Variants in NXPE2 observed in about 807,000 individuals in gnomAD.
NXPE2 encodes neurexophilin and PC-esterase domain family member 2.
NXPE2 carries 34 observed loss-of-function variants against 34.4 expected under a neutral mutation model. That is an observed-to-expected ratio of 0.99 (90% CI 0.75 to 1.31). The LOEUF (loss-of-function observed/expected upper bound fraction) is 1.31, where lower values mean the gene tolerates loss of function less well. Among genes scored for constraint, NXPE2 ranks in the 40% most tolerant of loss-of-function variants. The pLI, the probability that NXPE2 is intolerant of heterozygous loss-of-function variation, is 0.00. For missense variants in NXPE2, 649 were observed against 672.5 expected, an observed-to-expected ratio of 0.97 and a Z score of 0.39; for synonymous variants, 235 against 231.3, an observed-to-expected ratio of 1.02 and a Z score of -0.15.
At chr11:114,804,592 T>C in the NXPE2 span, among the ~76,000 whole-genome samples, 3 of 152,220 alleles carry the variant, frequency 2.0e-5, no homozygotes, top group Non-Finnish European at 4.4e-5. Flanking sequence ...TGTATTTGCA[T>C]TGTCACTTTT....
the NXPE2 span, among the ~76,000 whole-genome samples, chr11:114,809,892 A>G: frequency 3.6e-5 from 5 of 140,652 alleles, no homozygotes; most frequent in East Asian, 4.3e-4. Flanking sequence ...AGTCAATCCT[A>G]AGCCAAAAGA....
At chr11:114,799,341 G>C in the NXPE2 span, among the ~76,000 whole-genome samples, 1 of 151,444 alleles carries the variant, frequency 6.6e-6, no homozygotes, top group Non-Finnish European at 1.5e-5. Context: ...AAGACTGCTG[G>C]GAAAAGATAA....
chr11:114,778,880 G>A, the NXPE2 span, among the ~76,000 whole-genome samples: 1 of 152,210 alleles, frequency 6.6e-6, no homozygotes, highest in African/African-American at 2.4e-5. Context: ...GTGCATCAGG[G>A]ATGGAGGAGG....
At chr11:114,473,180 T>TA in the NXPE2 span, among the ~76,000 whole-genome samples, 11 of 152,212 alleles carry the variant, frequency 7.2e-5, no homozygotes, top group Non-Finnish European at 1.5e-4. Context: ...GGATAGTGAT[T>TA]AAATCAGATT....
chr11:114,619,318 G>C, the NXPE2 span, among the ~76,000 whole-genome samples: 1 of 152,154 alleles, frequency 6.6e-6, no homozygotes, highest in Non-Finnish European at 1.5e-5. Context: ...TTCCCCGCTG[G>C]ATAATAAGTG....
the NXPE2 span, chr11:114,583,087 GA>G: frequency 1.3e-6 from 2 of 1,495,102 alleles, no homozygotes; most frequent in Non-Finnish European, 1.8e-6. Flanking sequence ...GAAATGACAG[GA>G]AGTGTAACAT....
the NXPE2 span, among the ~76,000 whole-genome samples, chr11:114,797,704 C>A: frequency 1.3e-5 from 2 of 152,156 alleles, no homozygotes; most frequent in African/African-American, 2.4e-5. Context: ...ATTCCATGAA[C>A]CTTTCAAGTG....
At chr11:114,612,416 A>T in the NXPE2 span, among the ~76,000 whole-genome samples, 1 of 151,892 alleles carries the variant, frequency 6.6e-6, no homozygotes. Flanking sequence ...TACCCGGTGG[A>T]TAATAAGTGT....
At chr11:114,484,358 G>T in the NXPE2 span, among the ~76,000 whole-genome samples, 340 of 152,234 alleles carry the variant, frequency 2.2e-3, no homozygotes, top group Non-Finnish European at 3.6e-3. Flanking sequence ...TGGGATGTGG[G>T]GGGGTAGAAT....
chr11:114,635,856 A>G, the NXPE2 span, among the ~76,000 whole-genome samples: 1 of 152,048 alleles, frequency 6.6e-6, no homozygotes, highest in Non-Finnish European at 1.5e-5. Context: ...GTGTTGCTGT[A>G]TTCGGTTTGC....
the NXPE2 span, chr11:114,530,482 C>A: frequency 1.9e-6 from 3 of 1,614,186 alleles, no homozygotes; most frequent in Non-Finnish European, 2.5e-6. Context: ...GACAGGGAGA[C>A]CTGGCCCTCC....
chr11:114,531,098 T>C, the NXPE2 span, among the ~76,000 whole-genome samples: 12 of 151,706 alleles, frequency 7.9e-5, no homozygotes, highest in African/African-American at 2.9e-4. Flanking sequence ...TGAGATATTA[T>C]GATGATGATA....
At position 114,698,736 on chromosome 11, in the gene NXPE2, A is replaced by G. The variant is rs1565388548; in HGVS notation, c.824A>G (p.Asn275Ser). The change falls in exon 3 of 6, where the codon AAT becomes AGT. Residue 275 changes from asparagine (N) to serine (S), a missense_variant. Physicochemically the swap from Asn to Ser is conservative, Grantham distance 46. Transcript: ENST00000389586. ...ALTHMTTRTR[N>S]ISYLSKEEWR... ...ACCCACATGACCACTAGGACAAGAA[A>G]TATTTCCTATCTTAGCAAGGAAGAA... 1.2e-6 allele frequency: 2 copies of G among 1,603,656 alleles called. No individual in the cohort carries two copies. The highest frequency in any genetic ancestry group is 3.3e-4 in the Middle Eastern group (2 of 5,980).
At chr11:114,770,221 T>G in the NXPE2 span, among the ~76,000 whole-genome samples, 1 of 152,336 alleles carries the variant, frequency 6.6e-6, no homozygotes, top group Middle Eastern at 3.4e-3. Flanking sequence ...AAATGGTGGG[T>G]TGAGGTCAGT....
At chr11:114,549,178 C>G in the NXPE2 span, among the ~76,000 whole-genome samples, 1 of 151,822 alleles carries the variant, frequency 6.6e-6, no homozygotes, top group Admixed American at 6.6e-5. Flanking sequence ...GGAATTCTAC[C>G]AAACTTTAAA....
At chr11:114,807,040 A>C in the NXPE2 span, among the ~76,000 whole-genome samples, 25 of 152,120 alleles carry the variant, frequency 1.6e-4, no homozygotes, top group African/African-American at 1.7e-4. Flanking sequence ...CAATATTCAA[A>C]ATTCTTAAAG....
the NXPE2 span, chr11:114,518,474 A>G: frequency 6.6e-6 from 1 of 152,258 alleles, no homozygotes; most frequent in Non-Finnish European, 1.5e-5. Flanking sequence ...CAAAAAGGGA[A>G]TGTTTTTACT....
At chr11:114,767,181 T>G in the NXPE2 span, among the ~76,000 whole-genome samples, 1 of 152,168 alleles carries the variant, frequency 6.6e-6, no homozygotes, top group Non-Finnish European at 1.5e-5. Flanking sequence ...ATTCCCATAA[T>G]TTCCATCTTT....
At chr11:114,687,681 A>G (rs1951073866) in intron 2 of NXPE2, among the ~76,000 whole-genome samples, 1 of 152,068 alleles carries the variant, frequency 6.6e-6, no homozygotes, top group Non-Finnish European at 1.5e-5. Flanking sequence ...GAATCTGTAC[A>G]TTGCTTTGGG....
Sources: allele counts gnomAD v4.1 joint callset (sites outside exome capture counted in the v4.1 genomes callset), GRCh38; gene constraint gnomAD v4.1.1; transcripts MANE v1.5; gene names NCBI Gene and HGNC (gene_info 2026-07-23, HGNC 2026-07-21).